UNC13C: variants seen among roughly 807,000 people sequenced by gnomAD.
UNC13C encodes the protein protein unc-13 homolog C.
A neutral mutation model predicts 245.4 loss-of-function variants in UNC13C; 174 were observed. The ratio of observed to expected loss-of-function variants is 0.71; its 90% confidence interval spans 0.63 to 0.80. UNC13C has a LOEUF of 0.80. UNC13C is among the 30% of genes least tolerant of loss of function. The probability of loss-of-function intolerance (pLI) is 0.00; values close to 1 mark genes in which losing one functional copy is unlikely to be tolerated. For synonymous variants in UNC13C, 992 were observed against 895.1 expected (o/e 1.11, Z -1.93); for missense variants, 2,829 against 2,602.9 (o/e 1.09, Z -1.89).
chr15:54,626,749 T>G, intron 32 of UNC13C, 79 bp from the exon 33 acceptor site: 1 of 1,232,504 alleles, frequency 8.1e-7, no homozygotes, highest in Non-Finnish European at 1.1e-6. Flanking sequence ...TATACAGTTT[T>G]CAGCAGTATT....
At chr15:54,224,370 C>T (rs558806569) in intron 4 of UNC13C, among the ~76,000 whole-genome samples, 6 of 152,124 alleles carry the variant, frequency 3.9e-5, no homozygotes, top group African/African-American at 1.2e-4. Context: ...AATGCTTTTT[C>T]GATATCAGTT....
chr15:54,301,198 A>G (rs1388258152), intron 13 of UNC13C, among the ~76,000 whole-genome samples: 2 of 152,024 alleles, frequency 1.3e-5, no homozygotes, highest in Non-Finnish European at 2.9e-5. Flanking sequence ...TTTCATGTAA[A>G]CTGAATAGAT....
At chr15:54,072,134 G>T (rs1308605505) in intron 2 of UNC13C, among the ~76,000 whole-genome samples, 1 of 152,108 alleles carries the variant, frequency 6.6e-6, no homozygotes, top group Non-Finnish European at 1.5e-5. Flanking sequence ...TCTGGGAGTG[G>T]AAAGCAGGAC....
At chr15:53,927,984 G>T in the UNC13C span, among the ~76,000 whole-genome samples, 1 of 152,178 alleles carries the variant, frequency 6.6e-6, no homozygotes, top group Non-Finnish European at 1.5e-5. Context: ...CTCAAAGTTT[G>T]ACAACTTCAG....
At chr15:53,930,371 G>A in the UNC13C span, among the ~76,000 whole-genome samples, 9 of 152,168 alleles carry the variant, frequency 5.9e-5, no homozygotes, top group Non-Finnish European at 8.8e-5. Flanking sequence ...ATTCAAAGGA[G>A]GGGAAATAAT....
intron 13 of UNC13C, among the ~76,000 whole-genome samples, chr15:54,303,385 G>A (rs1359401064): frequency 6.6e-6 from 1 of 152,130 alleles, no homozygotes; most frequent in Admixed American, 6.6e-5. Context: ...CTGCTGGATA[G>A]AATCCCATTA....
intron 19 of UNC13C, among the ~76,000 whole-genome samples, chr15:54,443,328 G>T (rs1218539286): frequency 6.6e-6 from 1 of 151,884 alleles, no homozygotes; most frequent in Non-Finnish European, 1.5e-5. Flanking sequence ...CAAGCTAATG[G>T]TTTATCAATT....
Position 54,514,642 on chromosome 15 carries a change from C to T in UNC13C, c.5457+2812C>T, listed in dbSNP as rs115769529. On this transcript the variant is annotated intron_variant, in intron 24 of 32. Transcript: ENST00000260323. The stretch of plus-strand genomic sequence containing the variant: ...TGCTGGCTGCTTACAGGCATGACTG[C>T]GTGCTACTGCAGCTCCCTGCTGCTT... 6.1e-3 allele frequency among the ~76,000 whole-genome samples: 936 copies of T among 152,318 alleles called. 11 individuals are homozygous for T. The highest frequency in any genetic ancestry group is 0.022 in the African/African-American group (901 of 41,566).
At chr15:54,478,657 T>A (rs1227276132) in intron 19 of UNC13C, among the ~76,000 whole-genome samples, 1 of 151,758 alleles carries the variant, frequency 6.6e-6, no homozygotes, top group Non-Finnish European at 1.5e-5. Flanking sequence ...CTAGTTTGAT[T>A]GCACTGTGGT....
chr15:54,345,620 G>C (rs1272836146), intron 17 of UNC13C, among the ~76,000 whole-genome samples: 1 of 152,110 alleles, frequency 6.6e-6, no homozygotes, highest in African/African-American at 2.4e-5. Flanking sequence ...CGGATATTTG[G>C]ATATTTATTT....
At chr15:54,356,690 A>G (rs1231732336) in intron 17 of UNC13C, among the ~76,000 whole-genome samples, 1 of 152,186 alleles carries the variant, frequency 6.6e-6, no homozygotes, top group Non-Finnish European at 1.5e-5. Flanking sequence ...AAAAATTCCC[A>G]ACTATTAATC....
the UNC13C span, among the ~76,000 whole-genome samples, chr15:53,961,754 T>A: frequency 4.6e-5 from 7 of 152,182 alleles, no homozygotes; most frequent in Admixed American, 4.6e-4. Context: ...TTGTAACTGG[T>A]TTCCTATTTA....
intron 2 of UNC13C, among the ~76,000 whole-genome samples, chr15:54,140,029 C>T (rs2031938402): frequency 6.6e-6 from 1 of 152,040 alleles, no homozygotes; most frequent in Non-Finnish European, 1.5e-5. Context: ...TTGTGTTTCA[C>T]TTTTAATCTA....
At chr15:54,518,683 A>T (rs1895085195) in intron 24 of UNC13C, among the ~76,000 whole-genome samples, 4 of 152,204 alleles carry the variant, frequency 2.6e-5, no homozygotes, top group African/African-American at 7.2e-5. Context: ...AATGGCTCAC[A>T]GAGAACACTC....
chr15:54,630,539 C>T (rs1901437507), downstream of UNC13C: 1 of 152,128 alleles, frequency 6.6e-6, no homozygotes, highest in African/African-American at 2.4e-5. Flanking sequence ...ATACATGACT[C>T]AGGGAATATC....
At chr15:54,078,994 G>A (rs1458845284) in intron 2 of UNC13C, among the ~76,000 whole-genome samples, 5 of 152,188 alleles carry the variant, frequency 3.3e-5, no homozygotes, top group Middle Eastern at 3.4e-3. Context: ...TGTATATGGC[G>A]AGAGATGGGG....
intron 28 of UNC13C, among the ~76,000 whole-genome samples, 194 bp downstream of exon 28, chr15:54,549,885 G>C (rs571980855): frequency 1.6e-3 from 236 of 152,230 alleles, no homozygotes; most frequent in African/African-American, 5.4e-3. Flanking sequence ...TTAAATTAGA[G>C]AGCATATTTT....
intron 32 of UNC13C, among the ~76,000 whole-genome samples, chr15:54,625,922 C>T (rs1054729137): frequency 6.6e-6 from 1 of 152,138 alleles, no homozygotes; most frequent in African/African-American, 2.4e-5. Context: ...CTCTTCTACT[C>T]TTATCCCCTA....
chr15:54,470,970 G>A (rs1464083577), intron 19 of UNC13C, among the ~76,000 whole-genome samples: 1 of 150,732 alleles, frequency 6.6e-6, no homozygotes, highest in African/African-American at 2.4e-5. Context: ...TAACCCTATA[G>A]TTTTTTAGGA....
Sources: gnomAD v4.1 joint callset for allele counts (sites outside exome capture counted in the v4.1 genomes callset) on GRCh38, gnomAD v4.1.1 for gene constraint, MANE v1.5 for transcripts, NCBI Gene and HGNC (gene_info 2026-07-23, HGNC 2026-07-21) for gene names.